ADGRA3: variants seen among roughly 807,000 people sequenced by gnomAD.
ADGRA3 encodes the protein adhesion G protein-coupled receptor A3.
Under a neutral mutation model 119.8 loss-of-function variants are expected in ADGRA3, and 56 were observed. The ratio of observed to expected loss-of-function variants is 0.47; its 90% CI spans 0.38 to 0.58. The LOEUF (loss-of-function observed/expected upper bound fraction) is 0.58. Ranked by LOEUF, ADGRA3 falls within the 20% of genes least tolerant of loss-of-function variation. The pLI, the probability that ADGRA3 is intolerant of heterozygous loss-of-function variation, is 0.00. For missense variants in ADGRA3, 1,516 were observed against 1,649.0 expected (o/e 0.92, Z 1.40); for synonymous variants, 607 against 623.8 (o/e 0.97, Z 0.40).
intron 12 of ADGRA3, among the ~76,000 whole-genome samples, chr4:22,418,343 C>A (rs1715510915): frequency 6.6e-6 from 1 of 151,972 alleles, no homozygotes; most frequent in African/African-American, 2.4e-5. Flanking sequence ...ATGAACAAGG[C>A]ATTATGGGAA....
intron 11 of ADGRA3, among the ~76,000 whole-genome samples, chr4:22,421,985 A>G (rs541422405): frequency 1.3e-5 from 2 of 152,084 alleles, no homozygotes; most frequent in East Asian, 1.9e-4. Context: ...CCTGCCCTAG[A>G]GTTTTAAAGG....
intron 1 of ADGRA3, among the ~76,000 whole-genome samples, chr4:22,500,635 G>C (rs1304533836): frequency 6.6e-6 from 1 of 152,128 alleles, no homozygotes; most frequent in African/African-American, 2.4e-5. Flanking sequence ...AAAAAAGCAA[G>C]ACAATAACAA....
At chr4:22,492,864 C>T (rs1412352301) in intron 1 of ADGRA3, among the ~76,000 whole-genome samples, 1 of 152,200 alleles carries the variant, frequency 6.6e-6, no homozygotes, top group African/African-American at 2.4e-5. Flanking sequence ...AGCTCATTTC[C>T]AACACTGTCA....
At chr4:22,430,136 T>C (rs1471648061) in intron 10 of ADGRA3, among the ~76,000 whole-genome samples, 3 of 152,202 alleles carry the variant, frequency 2.0e-5, no homozygotes, top group Non-Finnish European at 4.4e-5. Context: ...TCTCCAGCCA[T>C]GTGGAACTTT....
At chr4:22,412,787 A>C (rs978472221) in intron 14 of ADGRA3, among the ~76,000 whole-genome samples, 4 of 152,186 alleles carry the variant, frequency 2.6e-5, no homozygotes, top group Non-Finnish European at 5.9e-5. Flanking sequence ...ATGTAGTGGG[A>C]AACAGCGCTA....
chr4:22,417,807 C>T (rs560650049), intron 12 of ADGRA3, among the ~76,000 whole-genome samples: 3 of 152,118 alleles, frequency 2.0e-5, no homozygotes, highest in Non-Finnish European at 2.9e-5. Context: ...GCAGGAATTT[C>T]ACCAAGCAGG....
At chr4:22,475,952 T>C (rs1718029496) in intron 1 of ADGRA3, among the ~76,000 whole-genome samples, 1 of 152,084 alleles carries the variant, frequency 6.6e-6, no homozygotes, top group Admixed American at 6.6e-5. Context: ...TAAAAAATGT[T>C]TTCTGAAGTC....
chr4:22,491,316 A>T (rs1226764909), intron 1 of ADGRA3, among the ~76,000 whole-genome samples: 1 of 152,246 alleles, frequency 6.6e-6, no homozygotes, highest in Non-Finnish European at 1.5e-5. Context: ...GATCCATAAT[A>T]TGATGTAGGT....
At chr4:22,511,459 G>A (rs561434079) in intron 1 of ADGRA3, among the ~76,000 whole-genome samples, 3 of 152,096 alleles carry the variant, frequency 2.0e-5, no homozygotes, top group Admixed American at 6.6e-5. Context: ...AACAAGTGGT[G>A]TTCATCAATA....
intron 1 of ADGRA3, among the ~76,000 whole-genome samples, chr4:22,498,115 C>G (rs959483834): frequency 4.6e-5 from 7 of 151,634 alleles, no homozygotes; most frequent in African/African-American, 1.7e-4. Flanking sequence ...CTGGCAGGAG[C>G]CTGTAATCCC....
At position 22,515,574 on chromosome 4, in the gene ADGRA3, C is replaced by G; in HGVS notation, c.211G>C (p.Ala71Pro). ...GKVVCSSLEL[A>P]QVLPPDTLPN... Reference sequence around the variant, plus strand: ...AGAGTATCTGGGGGCAGGACCTGCGCGAGTTCCAGGCTGCTGCACACCACC... The same window carrying G: ...AGAGTATCTGGGGGCAGGACCTGCGGGAGTTCCAGGCTGCTGCACACCACC... The change falls in exon 1 of 19, where the codon GCG (alanine) becomes CCG (proline). Residue 71 changes from alanine to proline, a missense_variant. Ala to Pro is a conservative substitution (Grantham distance 27). Around this residue, in one of 2 missense-constraint regions of ADGRA3, gnomAD observed 428 missense variants for 541.9 expected, o/e 0.79. Transcript: ENST00000334304. The G allele has an allele frequency of 6.2e-7, 1 of 1,602,812 alleles. No individual in the cohort carries two copies. Among genetic ancestry groups the G allele is most frequent in the Non-Finnish European group, 8.5e-7 (1 of 1,175,014 alleles).
intron 10 of ADGRA3, among the ~76,000 whole-genome samples, chr4:22,426,031 A>G (rs932413841): frequency 2.0e-5 from 3 of 152,216 alleles, no homozygotes; most frequent in African/African-American, 4.8e-5. Context: ...TTAAGTTCCA[A>G]TAATAAATAC....
intron 1 of ADGRA3, among the ~76,000 whole-genome samples, chr4:22,492,579 A>G (rs560268385): frequency 4.6e-5 from 7 of 152,328 alleles, no homozygotes; most frequent in African/African-American, 1.4e-4. Context: ...AAAACACAGA[A>G]TATGTTAGCT....
Position 22,494,795 on chromosome 4 carries a change from A to G in ADGRA3, c.257+20733T>C, listed in dbSNP as rs149665469. On this transcript the variant is annotated intron_variant, in intron 1 of 18. Coordinates refer to ENST00000334304, the MANE Select transcript of ADGRA3 (RefSeq NM_145290.4). The stretch of plus-strand genomic sequence containing the variant: ...TATTTTTAGTTATTTTTAACTAAAT[A>G]ATACATTTACAGAAGTCAAAGGTGA... 5.3e-4 allele frequency among the ~76,000 whole-genome samples: 80 copies of G among 152,078 alleles called. 4 individuals carry two copies. The highest frequency in any genetic ancestry group is 1.8e-3 in the African/African-American group (74 of 41,360).
chr4:22,408,477 A>T (rs926707088), intron 14 of ADGRA3, among the ~76,000 whole-genome samples: 1 of 152,226 alleles, frequency 6.6e-6, no homozygotes, highest in Admixed American at 6.5e-5. Context: ...AATTAAAAAT[A>T]GGCAAGACTT....
At position 22,413,390 on chromosome 4, in the gene ADGRA3, T is replaced by C. The variant is rs2109023767; in HGVS notation, c.2024A>G (p.Asp675Gly). Residue 675 changes from aspartate to glycine, a missense_variant and splice_region_variant, in exon 14 of 19, where the codon GAT becomes GGT. Around this residue, in one of 2 missense-constraint regions of ADGRA3, gnomAD observed 1,088 missense variants for 1,107.1 expected, o/e 0.98. Transcript: ENST00000334304. The part of the protein sequence containing the change: ...VVTPVILTKI[D>G]GVNVDTHHIP... ...GTGGTGGGTATCTACATTCACACCA[T>C]CTGGAGAAAATGGGAAATAAAAATA... 6.2e-7 allele frequency: 1 copy of C among 1,610,502 alleles called. No individual in the cohort carries two copies. The highest frequency in any genetic ancestry group is 8.5e-7 in the Non-Finnish European group (1 of 1,176,738).
At chr4:22,461,525 C>A (rs1026544733) in intron 3 of ADGRA3, among the ~76,000 whole-genome samples, 3 of 152,174 alleles carry the variant, frequency 2.0e-5, no homozygotes, top group African/African-American at 7.2e-5. Flanking sequence ...GTCTTGAATT[C>A]CTGACCTCAG....
chr4:22,467,149 A>C (rs1717688697), intron 2 of ADGRA3, among the ~76,000 whole-genome samples: 1 of 152,228 alleles, frequency 6.6e-6, no homozygotes, highest in Non-Finnish European at 1.5e-5. Context: ...AGAAGAAAAA[A>C]CGATGGCATA....
At position 22,405,546 on chromosome 4, in the gene ADGRA3, T is replaced by TAAA. The variant is rs371969552; in HGVS notation, c.2233-2750_2233-2748dup. Among the ~76,000 whole-genome samples, 7 of 125,458 alleles carry TAAA rather than the reference T, an allele frequency of 5.6e-5. No individual in the cohort carries two copies. In the South Asian group the frequency reaches 1.6e-3, roughly 28 times the overall value. 82.3% of individuals were successfully genotyped at this position (125,458 alleles called of 152,430 possible). A position where few individuals can be genotyped will look rare whatever the true frequency, so the allele number is the denominator to read the frequency against. ...GGGCAACAGAGCAAACCCCTATTTC[T>TAAA]AAAAAAAAAAAAAAAAATTAAATTA... On this transcript the variant is annotated intron_variant, in intron 14 of 18. Coordinates refer to ENST00000334304, the MANE Select transcript of ADGRA3 (RefSeq NM_145290.4).
Sources: gnomAD v4.1 joint callset for allele counts (sites outside exome capture counted in the v4.1 genomes callset) on GRCh38, gnomAD v4.1.1 for gene constraint, gnomAD v4.1.1 regional missense constraint, MANE v1.5 for transcripts, NCBI Gene and HGNC (gene_info 2026-07-23, HGNC 2026-07-21) for gene names.